Variants in TMTC1 observed in about 807,000 individuals in gnomAD.
The protein encoded by TMTC1 is protein O-mannosyl-transferase TMTC1.
TMTC1 carries 73 observed loss-of-function variants against 104.8 expected under a neutral mutation model. The observed-to-expected ratio is 0.70, with a 90% confidence interval of 0.58 to 0.85. The LOEUF is 0.85. TMTC1 is among the 40% of genes least tolerant of loss of function. TMTC1 has a pLI of 0.00. For missense variants in TMTC1, 1,035 were observed against 1,096.1 expected, an observed-to-expected ratio of 0.94 and a Z score of 0.79; for synonymous variants, 434 against 428.7, an observed-to-expected ratio of 1.01 and a Z score of -0.15.
chr12:29,759,494 CA>C (rs1485930262), intron 2 of TMTC1, among the ~76,000 whole-genome samples: 1 of 151,350 alleles, frequency 6.6e-6, no homozygotes, highest in African/African-American at 2.4e-5. Flanking sequence ...GACCCTGTCT[CA>C]AAAAATAAAA....
intron 5 of TMTC1, among the ~76,000 whole-genome samples, chr12:29,721,258 T>C (rs1205374859): frequency 2.0e-5 from 3 of 152,124 alleles, no homozygotes; most frequent in East Asian, 3.9e-4. Flanking sequence ...TAATAGGATA[T>C]ATGTCATGAG....
chr12:29,613,880 T>C (rs549238489), intron 6 of TMTC1: 8 of 899,880 alleles, frequency 8.9e-6, no homozygotes, highest in African/African-American at 1.8e-5. Context: ...ACAAAATGTT[T>C]TACTTTTTCA....
intron 6 of TMTC1, among the ~76,000 whole-genome samples, chr12:29,624,517 C>A (rs1937869061): frequency 1.3e-5 from 2 of 152,182 alleles, no homozygotes; most frequent in South Asian, 2.1e-4. Context: ...CTGTACCCAG[C>A]CCACTTGGCT....
chr12:29,565,345 G>C (rs1281309817), intron 9 of TMTC1, among the ~76,000 whole-genome samples: 1 of 152,128 alleles, frequency 6.6e-6, no homozygotes, highest in Non-Finnish European at 1.5e-5. Context: ...GGAACATCTA[G>C]AATAATGTTT....
Position 29,506,974 on chromosome 12 carries a change from A to G in TMTC1, c.2521T>C (p.Ser841Pro). 6.2e-7 allele frequency: 1 copy of G among 1,613,790 alleles called. No homozygotes were observed. The highest frequency in any genetic ancestry group is 1.3e-5 in the African/African-American group (1 of 75,014). Reference sequence around the variant, plus strand: ...GCTCTCTCATAATAAGCTCTTGCAGACACATATTTTCCCTGGGGGTGGGAA... The same window carrying G: ...GCTCTCTCATAATAAGCTCTTGCAGGCACATATTTTCCCTGGGGGTGGGAA... ...GIQHIKGKYV[S>P]ARAYYERALQ... The change falls in exon 18 of 18, where the codon TCT becomes CCT. Residue 841 changes from serine to proline, a missense_variant. By Grantham distance (74) the Ser-to-Pro change is moderately conservative (BLOSUM62 -1). Transcript: ENST00000539277.
At chr12:29,761,254 T>C (rs1156543581) in intron 2 of TMTC1, among the ~76,000 whole-genome samples, 1 of 151,280 alleles carries the variant, frequency 6.6e-6, no homozygotes, top group Non-Finnish European at 1.5e-5. Flanking sequence ...AAATGACTAA[T>C]GCTTTCAGCT....
chr12:29,773,926 G>A (rs1943650463), intron 1 of TMTC1, among the ~76,000 whole-genome samples: 2 of 152,108 alleles, frequency 1.3e-5, no homozygotes, highest in African/African-American at 4.8e-5. Flanking sequence ...CCACCAAAGA[G>A]CTTCTCGAAG....
At chr12:29,644,569 C>G (rs1433402596) in intron 5 of TMTC1, among the ~76,000 whole-genome samples, 1 of 152,000 alleles carries the variant, frequency 6.6e-6, no homozygotes. Flanking sequence ...CAGAATAGAA[C>G]TAAGATTCTT....
At chr12:29,660,574 T>C (rs1211136699) in intron 5 of TMTC1, among the ~76,000 whole-genome samples, 1 of 152,112 alleles carries the variant, frequency 6.6e-6, no homozygotes, top group Non-Finnish European at 1.5e-5. Context: ...AATACTGCAG[T>C]TCACATTGTC....
At chr12:29,742,652 T>C (rs185680860) in intron 5 of TMTC1, among the ~76,000 whole-genome samples, 2 of 152,290 alleles carry the variant, frequency 1.3e-5, no homozygotes, top group African/African-American at 4.8e-5. Flanking sequence ...ACATCAAAAA[T>C]TTTTAATTTA....
intron 10 of TMTC1, among the ~76,000 whole-genome samples, chr12:29,546,699 A>G (rs58397636): frequency 0.053 from 8,109 of 152,228 alleles, 722 homozygotes; most frequent in African/African-American, 0.18. Context: ...AGACAAATGT[A>G]TGCAGAAAGA....
intron 15 of TMTC1, among the ~76,000 whole-genome samples, chr12:29,515,150 A>G (rs533491975): frequency 1.3e-5 from 2 of 152,222 alleles, no homozygotes; most frequent in Non-Finnish European, 2.9e-5. Flanking sequence ...CTTTACAGGG[A>G]GGTGGTGTGA....
At chr12:29,624,501 A>G (rs150750532) in intron 6 of TMTC1, among the ~76,000 whole-genome samples, 137 of 152,298 alleles carry the variant, frequency 9.0e-4, no homozygotes, top group African/African-American at 3.2e-3. Flanking sequence ...ATGTCAACTC[A>G]TATGGCTGTA....
At chr12:29,720,200 C>A (rs1300195238) in intron 5 of TMTC1, among the ~76,000 whole-genome samples, 1 of 152,180 alleles carries the variant, frequency 6.6e-6, no homozygotes, top group African/African-American at 2.4e-5. Flanking sequence ...AGTCTTCCAG[C>A]TTAAACATTT....
At chr12:29,612,185 C>T (rs553784196) in intron 6 of TMTC1, among the ~76,000 whole-genome samples, 16 of 152,230 alleles carry the variant, frequency 1.1e-4, no homozygotes, top group African/African-American at 2.9e-4. Flanking sequence ...AACACACTGA[C>T]GGCAGATATG....
intron 1 of TMTC1, among the ~76,000 whole-genome samples, chr12:29,776,459 A>C (rs184946450): frequency 6.6e-6 from 1 of 152,348 alleles, no homozygotes; most frequent in Admixed American, 6.5e-5. Context: ...AAGTAAACCA[A>C]GCAGACTTTT....
chr12:29,547,957 T>A (rs537872636), intron 10 of TMTC1, among the ~76,000 whole-genome samples: 1 of 152,154 alleles, frequency 6.6e-6, no homozygotes, highest in Non-Finnish European at 1.5e-5. Context: ...GCAGAGAAAC[T>A]AAGGGAGTAA....
chr12:29,719,149 T>C (rs547329624), intron 5 of TMTC1, among the ~76,000 whole-genome samples: 11 of 152,292 alleles, frequency 7.2e-5, no homozygotes, highest in African/African-American at 2.6e-4. Flanking sequence ...ATTGGTGGCA[T>C]TGTAGAATTA....
chr12:29,506,326 A>G lies in TMTC1; in HGVS notation c.*520T>C, dbSNP rs1181061950. On this transcript the variant is annotated 3_prime_UTR_variant, in exon 18 of 18. Coordinates refer to ENST00000539277, the MANE Select transcript of TMTC1 (RefSeq NM_001193451.2). ...AGCCCTTTTTCCCCACATATTCTGG[A>G]AGGTTCTACAAAAGCTATTAGATAC... 1 of 152,888 alleles carries G rather than the reference A, an allele frequency of 6.5e-6. No homozygotes were observed. Among genetic ancestry groups the G allele is most frequent in the Non-Finnish European group, 1.5e-5 (1 of 68,518 alleles). 9.5% of individuals were successfully genotyped at this position (152,888 alleles called of 1,614,324 possible). A position where few individuals can be genotyped will look rare whatever the true frequency, so the allele number is the denominator to read the frequency against.
Sources: allele counts gnomAD v4.1 joint callset (sites outside exome capture counted in the v4.1 genomes callset), GRCh38; gene constraint gnomAD v4.1.1; transcripts MANE v1.5; gene names NCBI Gene and HGNC (gene_info 2026-07-23, HGNC 2026-07-21).